The following MEF2C variants were observed in gnomAD, a reference collection of about 807,000 sequenced individuals.
The protein encoded by MEF2C is myocyte enhancer factor 2C.
In MEF2C, 6 loss-of-function variants were observed where a neutral mutation model predicts 50.5. The observed-to-expected ratio is 0.12, with a 90% CI of 0.07 to 0.23. The LOEUF is 0.23. MEF2C is among the 10% of genes least tolerant of loss of function. The pLI is 1.00. For missense variants in MEF2C, 276 were observed against 605.0 expected (o/e 0.46, Z 5.70); for synonymous variants, 183 against 228.0 (o/e 0.80, Z 1.78).
At chr5:88,817,908 T>C (rs1171538453) in intron 2 of MEF2C, 8 of 151,974 alleles carry the variant, frequency 5.3e-5, no homozygotes, top group Non-Finnish European at 1.2e-4. Context: ...TCTTTCTTCC[T>C]AATATAACAG....
At chr5:88,833,223 T>C (rs1219808001) in intron 1 of MEF2C, among the ~76,000 whole-genome samples, 3 of 152,136 alleles carry the variant, frequency 2.0e-5, no homozygotes, top group African/African-American at 4.8e-5. Flanking sequence ...GCTGATGATA[T>C]AGAAAATACT....
chr5:88,734,588 T>TTTTTTTTTTTTTTTTTTTTTTTG, intron 6 of MEF2C: 2 of 974,080 alleles, frequency 2.1e-6, no homozygotes, highest in Non-Finnish European at 2.4e-6. Flanking sequence ...TTTTTTTTTT[T>TTTTTTTTTTTTTTTTTTTTTTTG]TTTTTTTTTT....
At chr5:88,825,489 T>G in intron 1 of MEF2C, 1 of 984,028 alleles carries the variant, frequency 1.0e-6, no homozygotes, top group East Asian at 1.1e-4. Flanking sequence ...AGCTGTAATT[T>G]TAAATGTTGG....
At chr5:88,856,368 G>T (rs1237198644) in intron 1 of MEF2C, among the ~76,000 whole-genome samples, 2 of 152,170 alleles carry the variant, frequency 1.3e-5, no homozygotes, top group East Asian at 3.8e-4. Context: ...CAGCATAAAA[G>T]TTCAGAAAAT....
intron 3 of MEF2C, among the ~76,000 whole-genome samples, chr5:88,789,254 C>G (rs975586389): frequency 2.0e-5 from 3 of 151,778 alleles, no homozygotes; most frequent in African/African-American, 7.3e-5. Context: ...GGAGCCTCAA[C>G]CTCTCATGCT....
rs1402385159 is a variant in MEF2C, at chr5:88,870,422, C to A, written c.-143+12533G>T. Among the ~76,000 whole-genome samples, 11 of 152,006 alleles carry A rather than the reference C, an allele frequency of 7.2e-5. No homozygotes were observed. In the East Asian group the frequency reaches 2.1e-3, roughly 29 times the overall value. On this transcript the variant is annotated intron_variant, in intron 1 of 10. Transcript: ENST00000504921. ...CTATAGTGGCATGTTCTGACACATT[C>A]TTTTCATAAACCGAACCCTGTTAGT... is the stretch of plus-strand genomic sequence containing the variant.
At chr5:88,778,570 G>A (rs904805308) in intron 3 of MEF2C, among the ~76,000 whole-genome samples, 2 of 152,128 alleles carry the variant, frequency 1.3e-5, no homozygotes, top group Admixed American at 6.5e-5. Flanking sequence ...TGGGCAAAGC[G>A]AGGGATCATC....
chr5:88,882,001 G>C (rs1245294029), intron 1 of MEF2C, among the ~76,000 whole-genome samples: 1 of 152,088 alleles, frequency 6.6e-6, no homozygotes, highest in Non-Finnish European at 1.5e-5. Flanking sequence ...GACAAAAAAA[G>C]GCTCTCCCCA....
At chr5:88,880,305 A>G (rs1210987612) in intron 1 of MEF2C, among the ~76,000 whole-genome samples, 1 of 152,148 alleles carries the variant, frequency 6.6e-6, no homozygotes, top group Non-Finnish European at 1.5e-5. Context: ...TCATCTTGTG[A>G]CCATTAATTG....
intron 1 of MEF2C, among the ~76,000 whole-genome samples, chr5:88,854,896 C>T (rs1377616531): frequency 2.6e-5 from 4 of 152,226 alleles, no homozygotes; most frequent in African/African-American, 9.7e-5. Flanking sequence ...ACAACTACCT[C>T]AGTAGAGCCT....
chr5:88,810,881 C>T (rs1404083649), intron 2 of MEF2C, among the ~76,000 whole-genome samples: 3 of 152,150 alleles, frequency 2.0e-5, no homozygotes, highest in Middle Eastern at 6.8e-3. Flanking sequence ...ATATCCATAG[C>T]GCCTTCTACA....
chr5:88,840,248 A>G (rs1816833546), intron 1 of MEF2C, among the ~76,000 whole-genome samples: 1 of 152,192 alleles, frequency 6.6e-6, no homozygotes, highest in African/African-American at 2.4e-5. Flanking sequence ...CTCACAGAAT[A>G]CTTTATGTCC....
At chr5:88,809,377 T>C (rs996763606) in intron 2 of MEF2C, among the ~76,000 whole-genome samples, 2 of 152,204 alleles carry the variant, frequency 1.3e-5, no homozygotes, top group Non-Finnish European at 2.9e-5. Flanking sequence ...TGGAGCATTT[T>C]CCGCATGTCA....
intron 10 of MEF2C, 55 bp from the exon 11 acceptor site, chr5:88,722,980 A>AACTCACAATT: frequency 7.1e-7 from 1 of 1,407,206 alleles, no homozygotes; most frequent in Non-Finnish European, 9.6e-7. Context: ...AGGCCCCAGG[A>AACTCACAATT]ACTCACAATT....
chr5:88,854,154 A>G (rs1822399920), intron 1 of MEF2C, among the ~76,000 whole-genome samples: 1 of 152,330 alleles, frequency 6.6e-6, no homozygotes, highest in East Asian at 1.9e-4. Flanking sequence ...CCAAAGCTTT[A>G]ATCTATGAGA....
At chr5:88,847,099 C>G (rs1819611593) in intron 1 of MEF2C, among the ~76,000 whole-genome samples, 1 of 152,090 alleles carries the variant, frequency 6.6e-6, no homozygotes, top group African/African-American at 2.4e-5. Flanking sequence ...TAGTTAAGCT[C>G]TATTGCGGAT....
intron 1 of MEF2C, among the ~76,000 whole-genome samples, chr5:88,891,414 T>TC (rs1358685663): frequency 8.7e-5 from 13 of 149,098 alleles, no homozygotes; most frequent in African/African-American, 2.5e-4. Flanking sequence ...TTTTTTTTTT[T>TC]TGAGACGCAG....
chr5:88,881,336 T>A (rs998043614), intron 1 of MEF2C: 2 of 152,160 alleles, frequency 1.3e-5, no homozygotes, highest in African/African-American at 4.8e-5. Flanking sequence ...AAGTTCTGAG[T>A]CTTGCTTTAG....
intron 1 of MEF2C, among the ~76,000 whole-genome samples, chr5:88,870,119 T>G (rs969320088): frequency 6.6e-6 from 1 of 152,000 alleles, no homozygotes; most frequent in African/African-American, 2.4e-5. Context: ...TAATTGGAAA[T>G]TTAATAATTT....
Sources: gnomAD v4.1 joint callset for allele counts (sites outside exome capture counted in the v4.1 genomes callset) on GRCh38, gnomAD v4.1.1 for gene constraint, MANE v1.5 for transcripts, NCBI Gene and HGNC (gene_info 2026-07-23, HGNC 2026-07-21) for gene names.